The following MMP8 variants were observed in gnomAD, a reference collection of about 807,000 sequenced individuals.
The protein encoded by MMP8 is neutrophil collagenase.
MMP8 carries 67 observed loss-of-function variants against 51.2 expected under a neutral mutation model. The ratio of observed to expected loss-of-function variants is 1.31; its 90% CI spans 1.08 to 1.60. MMP8 has a LOEUF of 1.60. Ranked by LOEUF, MMP8 falls within the 40% of genes most tolerant of loss-of-function variation. The pLI, the probability that MMP8 is intolerant of heterozygous loss-of-function variation, is 0.00. For synonymous variants in MMP8, 225 were observed against 191.0 expected, an observed-to-expected ratio of 1.18 and a Z score of -1.47; for missense variants, 654 against 558.1, an observed-to-expected ratio of 1.17 and a Z score of -1.73.
chr11:102,720,896 C>A (rs1861448633), intron 4 of MMP8, among the ~76,000 whole-genome samples: 1 of 151,092 alleles, frequency 6.6e-6, no homozygotes, highest in African/African-American at 2.4e-5. Context: ...AATGAATTTC[C>A]AAAAATGGAA....
intron 5 of MMP8, 50 bp downstream of exon 5, chr11:102,718,364 C>T: frequency 3.2e-6 from 5 of 1,546,594 alleles, no homozygotes; most frequent in Non-Finnish European, 4.4e-6. Context: ...GGAGTGTTCG[C>T]CTATTCCCAG....
chr11:102,719,565 T>C (rs78261314), intron 4 of MMP8, among the ~76,000 whole-genome samples: 2 of 152,204 alleles, frequency 1.3e-5, no homozygotes, highest in East Asian at 3.8e-4. Flanking sequence ...AGTGACAGAT[T>C]GGGGTCAAAC....
chr11:102,719,063 G>T (rs1861394025), intron 4 of MMP8, among the ~76,000 whole-genome samples: 1 of 152,168 alleles, frequency 6.6e-6, no homozygotes, highest in African/African-American at 2.4e-5. Flanking sequence ...ATCACCCACA[G>T]CTTAGCACCA....
At chr11:102,723,037 C>A in intron 1 of MMP8, 1 of 1,293,212 alleles carries the variant, frequency 7.7e-7, no homozygotes, top group East Asian at 5.5e-5. Flanking sequence ...TGCAGTTCCT[C>A]TTTTTTATCC....
chr11:102,713,734 G>GTT lies in MMP8; in HGVS notation c.1294+19_1294+20insAA. 2.1e-6 allele frequency: 3 copies of GTT among 1,427,548 alleles called. No individual in the cohort carries two copies. Among genetic ancestry groups the GTT allele is most frequent in the Admixed American group, 2.1e-5 (1 of 48,598 alleles). 88.4% of individuals were successfully genotyped at this position (1,427,548 alleles called of 1,614,324 possible). On this transcript the variant is annotated intron_variant, in intron 9 of 9. Transcript: ENST00000236826. ...AAACAAACAAACAACACATTTATTA[G>GTT]GTTTTTTTTTCCTACTTACGTTCTT... is the stretch of plus-strand genomic sequence containing the variant.
At chr11:102,717,414 A>G (rs1861330639) in intron 5 of MMP8, among the ~76,000 whole-genome samples, 2 of 152,202 alleles carry the variant, frequency 1.3e-5, no homozygotes, top group African/African-American at 4.8e-5. Context: ...TTCTTGAAAA[A>G]TGCCTTGCTT....
At position 102,720,252 on chromosome 11, in the gene MMP8, A is replaced by G. The variant is rs115812564; in HGVS notation, c.622+1149T>C. On this transcript the variant is annotated intron_variant, in intron 4 of 9. Coordinates refer to ENST00000236826, the MANE Select transcript of MMP8 (RefSeq NM_002424.3). ...AACTTTTAAGCATGAGAGTGATGTGATCCAAGATGGGCTTCCAAAAACAAA... is the reference window on the plus strand; with the variant it reads ...AACTTTTAAGCATGAGAGTGATGTGGTCCAAGATGGGCTTCCAAAAACAAA... Among the ~76,000 whole-genome samples the G allele has an allele frequency of 3.2e-3, 495 of 152,330 alleles. 3 individuals carry two copies. The highest frequency in any genetic ancestry group is 0.011 in the African/African-American group (471 of 41,578).
rs369005143 is a variant in MMP8, at chr11:102,718,522, C to T, written c.676G>A (p.Ala226Thr). ...AAGGCACCAGGGTCAGAGGAGTGAGCGAGCCCCAAAGAATGGCCAAATTCA... is the reference window on the plus strand; with the variant it reads ...AAGGCACCAGGGTCAGAGGAGTGAGTGAGCCCCAAAGAATGGCCAAATTCA... ...AHEFGHSLGL[A>T]HSSDPGALMY... Residue 226 changes from alanine to threonine, a missense_variant, in exon 5 of 10, where the codon GCT (alanine) becomes ACT (threonine). Ala to Thr is a moderately conservative substitution (Grantham distance 58). Coordinates refer to ENST00000236826, the MANE Select transcript of MMP8 (RefSeq NM_002424.3). 27 of 1,613,706 alleles carry T rather than the reference C, an allele frequency of 1.7e-5. No individual in the cohort carries two copies. The highest frequency in any genetic ancestry group is 3.3e-4 in the Middle Eastern group (2 of 6,082).
chr11:102,723,416 G>A, intron 1 of MMP8: 1 of 409,456 alleles, frequency 2.4e-6, no homozygotes, highest in Non-Finnish European at 4.9e-6. Context: ...TCCATTTTCT[G>A]TTGCTATAAC....
chr11:102,719,362 C>G (rs964261904), intron 4 of MMP8, among the ~76,000 whole-genome samples: 1 of 149,526 alleles, frequency 6.7e-6, no homozygotes, highest in African/African-American at 2.6e-5. Flanking sequence ...GCCTCACAAA[C>G]ACACTGATGC....
Position 102,721,597 on chromosome 11 carries a change from G to T in MMP8, c.496+17C>A, listed in dbSNP as rs571354972. ...AGCCAAAGAAAGCAAAACTGAGCAT[G>T]ACTGCTTTGTACCTACCTCTTTGGT... On this transcript the variant is annotated intron_variant, in intron 3 of 9. Transcript: ENST00000236826. The T allele has an allele frequency of 1.9e-6, 3 of 1,613,534 alleles. No individual in the cohort carries two copies. The South Asian group carries it at 3.3e-5, about 18-fold the overall frequency.
intron 4 of MMP8, among the ~76,000 whole-genome samples, chr11:102,719,841 A>G (rs1178413909): frequency 1.3e-5 from 2 of 152,238 alleles, no homozygotes; most frequent in Non-Finnish European, 2.9e-5. Context: ...ACTTGAAAGC[A>G]CACAGTGAGT....
Position 102,716,369 on chromosome 11 carries a change from A to C in MMP8, c.835T>G (p.Cys279Gly). ...QPTGPSTPKP[C>G]DPSLTFDAIT... ...GCATCAAATGTCAAACTGGGGTCAC[A>C]GGGTTTGGGTGTGCTTGGTCCAGTA... The change falls in exon 6 of 10, where the codon TGT (cysteine) becomes GGT (glycine). Residue 279 changes from cysteine to glycine, a missense_variant. Transcript: ENST00000236826. The C allele has an allele frequency of 6.6e-7, 1 of 1,522,742 alleles. No individual in the cohort carries two copies. Among genetic ancestry groups the C allele is most frequent in the Non-Finnish European group, 8.9e-7 (1 of 1,126,712 alleles). The allele number at this position is 1,522,742 out of a possible 1,614,324, so 94.3% of individuals were successfully genotyped here.
chr11:102,716,656 TA>T (rs1257831866), intron 5 of MMP8, among the ~76,000 whole-genome samples: 2 of 152,150 alleles, frequency 1.3e-5, no homozygotes, highest in Non-Finnish European at 2.9e-5. Flanking sequence ...AGCTGTGAAG[TA>T]AAGAAATTTG....
At chr11:102,722,180 A>G (rs1861492728) in intron 2 of MMP8, among the ~76,000 whole-genome samples, 1 of 105,188 alleles carries the variant, frequency 9.5e-6, no homozygotes, top group Non-Finnish European at 1.9e-5. Context: ...GCTTAGAGAG[A>G]CAGCCTAACA....
chr11:102,723,769 G>C (rs1861542426), intron 1 of MMP8: 3 of 266,688 alleles, frequency 1.1e-5, no homozygotes, highest in Admixed American at 4.8e-5. Context: ...TGTCACATGG[G>C]CTACTAAATC....
Position 102,714,711 on chromosome 11 carries a change from T to G in MMP8, c.1037-2A>C. 1 of 1,490,034 alleles carries G rather than the reference T, an allele frequency of 6.7e-7. No homozygotes were observed. The highest frequency in any genetic ancestry group is 2.7e-5 in the East Asian group (1 of 36,706). 92.3% of individuals were successfully genotyped at this position (1,490,034 alleles called of 1,614,324 possible). On this transcript the variant is annotated splice_acceptor_variant, in intron 7 of 9. Coordinates refer to ENST00000236826, the MANE Select transcript of MMP8 (RefSeq NM_002424.3). LOFTEE classifies it high-confidence loss of function. ...CACTCAGAGCCCAGTATTGGTTGCC[T>G]GTCAATGATTCAGGTTAAGTGTTAA... is the stretch of plus-strand genomic sequence containing the variant.
intron 1 of MMP8, chr11:102,723,358 T>C (rs1438578217): frequency 2.7e-6 from 1 of 366,224 alleles, no homozygotes; most frequent in East Asian, 7.3e-5. Context: ...GTAACCTAAC[T>C]AGACCTCATG....
In MMP8 at chr11:102,724,878, C is replaced by T. The variant is rs1441088999; in HGVS notation, c.-23G>A. 3.8e-6 allele frequency: 6 copies of T among 1,597,828 alleles called. No homozygotes were observed. The South Asian group carries it at 4.6e-5, about 12-fold the overall frequency. ...CATGATCTTCTCTTCAAACTCTACC[C>T]CTCCTGGCTTTCTTTCTGTCCCTCT... On this transcript the variant is annotated 5_prime_UTR_variant, in exon 1 of 10. Coordinates refer to ENST00000236826, the MANE Select transcript of MMP8 (RefSeq NM_002424.3).
Sources: allele counts gnomAD v4.1 joint callset (sites outside exome capture counted in the v4.1 genomes callset), GRCh38; gene constraint gnomAD v4.1.1; transcripts MANE v1.5; gene names NCBI Gene and HGNC (gene_info 2026-07-23, HGNC 2026-07-21).